GRID2: variants seen among roughly 807,000 people sequenced by gnomAD.
GRID2 encodes glutamate ionotropic receptor delta type subunit 2, also known as glutamate receptor ionotropic, delta-2.
Under a neutral mutation model 114.8 loss-of-function variants are expected in GRID2, and 33 were observed. That is an observed-to-expected ratio of 0.29 (90% confidence interval 0.22 to 0.38). The LOEUF (loss-of-function observed/expected upper bound fraction) is 0.38, where lower values mean the gene tolerates loss of function less well. Among genes scored for constraint, GRID2 ranks in the 10% least tolerant of loss-of-function variants. The pLI, the probability that GRID2 is intolerant of heterozygous loss-of-function variation, is 1.00. For synonymous variants in GRID2, 505 were observed against 449.9 expected (o/e 1.12, Z -1.55); for missense variants, 1,184 against 1,257.7 (o/e 0.94, Z 0.89).
chr4:92,482,768 G>A (rs534479054), intron 1 of GRID2, among the ~76,000 whole-genome samples: 1 of 152,080 alleles, frequency 6.6e-6, no homozygotes, highest in South Asian at 2.1e-4. Flanking sequence ...AAACTCTAAC[G>A]GAAGAAGATG....
At chr4:92,422,151 T>A (rs1560619860) in intron 1 of GRID2, among the ~76,000 whole-genome samples, 1 of 152,026 alleles carries the variant, frequency 6.6e-6, no homozygotes, top group Non-Finnish European at 1.5e-5. Context: ...GTAATGTGAA[T>A]CTTTCAGCTA....
chr4:93,444,709 G>A (rs1350250493), intron 10 of GRID2, among the ~76,000 whole-genome samples: 1 of 151,874 alleles, frequency 6.6e-6, no homozygotes, highest in Non-Finnish European at 1.5e-5. Context: ...AAATACAAAA[G>A]TGACAAAAAT....
At chr4:92,640,804 C>G (rs187374601) in intron 2 of GRID2, among the ~76,000 whole-genome samples, 1 of 151,886 alleles carries the variant, frequency 6.6e-6, no homozygotes, top group African/African-American at 2.4e-5. Flanking sequence ...AGCACTTAAA[C>G]TTGTAATTCT....
downstream of GRID2, among the ~76,000 whole-genome samples, chr4:93,779,164 G>A (rs556351768): frequency 6.7e-6 from 1 of 149,058 alleles, no homozygotes; most frequent in South Asian, 2.1e-4. Flanking sequence ...ACTAAATGAA[G>A]TTTTAGATTC....
intron 2 of GRID2, among the ~76,000 whole-genome samples, chr4:92,661,919 C>A (rs530699440): frequency 6.6e-6 from 1 of 150,900 alleles, no homozygotes; most frequent in Non-Finnish European, 1.5e-5. Context: ...TTTTGAATAA[C>A]TAAAAATGCT....
intron 1 of GRID2, among the ~76,000 whole-genome samples, chr4:92,484,131 T>A (rs1722751132): frequency 6.6e-6 from 1 of 152,140 alleles, no homozygotes; most frequent in Non-Finnish European, 1.5e-5. Context: ...CATTACAAAT[T>A]GATAGGGAAC....
chr4:93,439,441 G>T (rs1014773351), intron 10 of GRID2, among the ~76,000 whole-genome samples: 1 of 152,036 alleles, frequency 6.6e-6, no homozygotes, highest in Non-Finnish European at 1.5e-5. Flanking sequence ...ACAGAATTTG[G>T]CTATAGGCAT....
At chr4:92,407,785 T>C (rs1303361164) in intron 1 of GRID2, among the ~76,000 whole-genome samples, 1 of 152,122 alleles carries the variant, frequency 6.6e-6, no homozygotes, top group Non-Finnish European at 1.5e-5. Context: ...GATTATGTGG[T>C]TTTTTGCTTG....
At chr4:92,767,338 A>C (rs1738314868) in intron 2 of GRID2, among the ~76,000 whole-genome samples, 1 of 152,154 alleles carries the variant, frequency 6.6e-6, no homozygotes, top group Non-Finnish European at 1.5e-5. Flanking sequence ...ATTCTATCTT[A>C]TTGAAGCCAC....
intron 2 of GRID2, among the ~76,000 whole-genome samples, chr4:93,002,479 G>A (rs1259592946): frequency 1.3e-5 from 2 of 150,438 alleles, no homozygotes; most frequent in African/African-American, 4.9e-5. Flanking sequence ...AAGTATTGTT[G>A]ACACTAAATA....
At chr4:93,124,117 G>GA (rs67692016) in intron 4 of GRID2, among the ~76,000 whole-genome samples, 18,724 of 143,650 alleles carry the variant, frequency 0.13, 1,633 homozygotes, top group African/African-American at 0.24. Flanking sequence ...AAAAAAAAAA[G>GA]AAAAAAAAAA....
chr4:92,382,109 A>G (rs1329076409), intron 1 of GRID2, among the ~76,000 whole-genome samples: 2 of 151,980 alleles, frequency 1.3e-5, no homozygotes, highest in African/African-American at 4.8e-5. Context: ...GAATATATTT[A>G]TAGTTACACC....
At chr4:92,386,309 C>T (rs990711926) in intron 1 of GRID2, among the ~76,000 whole-genome samples, 2 of 151,698 alleles carry the variant, frequency 1.3e-5, no homozygotes, top group African/African-American at 4.8e-5. Context: ...CTGAGGGCAT[C>T]GCTAATTTGA....
intron 8 of GRID2, among the ~76,000 whole-genome samples, chr4:93,240,360 T>G (rs907362974): frequency 1.2e-4 from 18 of 151,650 alleles, no homozygotes; most frequent in African/African-American, 4.3e-4. Context: ...GATTTCAATT[T>G]ACATTTCCCT....
chr4:92,445,119 T>C (rs1247585451), intron 1 of GRID2, among the ~76,000 whole-genome samples: 1 of 152,194 alleles, frequency 6.6e-6, no homozygotes, highest in East Asian at 1.9e-4. Flanking sequence ...TAGATACTCT[T>C]CAAATTATTT....
chr4:92,764,166 C>T (rs532016279), intron 2 of GRID2, among the ~76,000 whole-genome samples: 2 of 152,198 alleles, frequency 1.3e-5, no homozygotes, highest in South Asian at 2.1e-4. Flanking sequence ...GACCGTTCAG[C>T]AGCACACCAC....
intron 2 of GRID2, among the ~76,000 whole-genome samples, chr4:92,946,893 A>T (rs181730898): frequency 9.2e-5 from 14 of 152,130 alleles, no homozygotes; most frequent in South Asian, 4.1e-4. Context: ...GATACTGCTG[A>T]TCTGAGAGCT....
At chr4:93,796,039 C>T (rs1225038913) in intron 1 of GRID2, among the ~76,000 whole-genome samples, 1 of 152,104 alleles carries the variant, frequency 6.6e-6, no homozygotes, top group African/African-American at 2.4e-5. Flanking sequence ...AGGACAGAGG[C>T]CCCTATTCTC....
chr4:92,909,854 A>G (rs1172749868), intron 2 of GRID2, among the ~76,000 whole-genome samples: 1 of 152,188 alleles, frequency 6.6e-6, no homozygotes, highest in Non-Finnish European at 1.5e-5. Flanking sequence ...AGCAAGGCAT[A>G]CAAAATAATA....
Sources: allele counts gnomAD v4.1 joint callset (sites outside exome capture counted in the v4.1 genomes callset), GRCh38; gene constraint gnomAD v4.1.1; transcripts MANE v1.5; gene names NCBI Gene and HGNC (gene_info 2026-07-23, HGNC 2026-07-21).